LYPLAL1: variants seen among roughly 807,000 people sequenced by gnomAD.
LYPLAL1 encodes the protein lysophospholipase like 1.
LYPLAL1 carries 23 observed loss-of-function variants against 19.7 expected under a neutral mutation model. That is an observed-to-expected ratio of 1.17 (90% CI 0.84 to 1.65). The LOEUF (loss-of-function observed/expected upper bound fraction) is 1.65, where lower values mean the gene tolerates loss of function less well. Ranked by LOEUF, LYPLAL1 falls within the 40% of genes most tolerant of loss-of-function variation. The pLI, the probability that LYPLAL1 is intolerant of heterozygous loss-of-function variation, is 0.00. For synonymous variants in LYPLAL1, 119 were observed against 96.3 expected (o/e 1.24, Z -1.38); for missense variants, 355 against 279.4 (o/e 1.27, Z -1.93).
At chr1:219,217,379 GGT>G (rs371579948), downstream of LYPLAL1, among the ~76,000 whole-genome samples, 3 of 134,126 alleles carry the variant, frequency 2.2e-5, no homozygotes, top group Admixed American at 7.6e-5. Context: ...TGCCAGGTTT[GGT>G]GTGTGTGTGT....
chr1:219,346,445 G>T, the LYPLAL1 span, among the ~76,000 whole-genome samples: 1 of 148,318 alleles, frequency 6.7e-6, no homozygotes, highest in African/African-American at 2.5e-5. Flanking sequence ...TTTAAGACCA[G>T]GAGGGTCAAT....
the LYPLAL1 span, among the ~76,000 whole-genome samples, chr1:219,377,212 G>GCTAA: frequency 6.6e-6 from 1 of 152,176 alleles, no homozygotes; most frequent in African/African-American, 2.4e-5. Context: ...ACATTATTAT[G>GCTAA]CTAAGTAAAA....
chr1:219,196,680 G>T (rs1414290845), intron 3 of LYPLAL1, among the ~76,000 whole-genome samples: 8 of 152,072 alleles, frequency 5.3e-5, no homozygotes, highest in Non-Finnish European at 1.2e-4. Context: ...TAAAAAGTGT[G>T]TTCAAATAGG....
chr1:219,358,547 T>C, the LYPLAL1 span, among the ~76,000 whole-genome samples: 1 of 152,080 alleles, frequency 6.6e-6, no homozygotes, highest in South Asian at 2.1e-4. Context: ...TCAGGAAACT[T>C]ATAATCATGG....
chr1:219,187,757 C>G (rs761018137), intron 2 of LYPLAL1, among the ~76,000 whole-genome samples: 2 of 151,706 alleles, frequency 1.3e-5, no homozygotes, highest in African/African-American at 2.4e-5. Flanking sequence ...CCTCTTTACT[C>G]CATCACTTAG....
chr1:219,191,982 CT>C (rs1334506108), intron 2 of LYPLAL1, among the ~76,000 whole-genome samples: 1 of 151,210 alleles, frequency 6.6e-6, no homozygotes, highest in Non-Finnish European at 1.5e-5. Context: ...CTCTGAGAAA[CT>C]TTCCAAATAT....
At chr1:219,374,300 C>A in the LYPLAL1 span, among the ~76,000 whole-genome samples, 1 of 152,026 alleles carries the variant, frequency 6.6e-6, no homozygotes, top group Non-Finnish European at 1.5e-5. Flanking sequence ...TACAAACAAG[C>A]ATTATTAACC....
At chr1:219,321,084 A>G in the LYPLAL1 span, among the ~76,000 whole-genome samples, 2 of 152,128 alleles carry the variant, frequency 1.3e-5, no homozygotes, top group South Asian at 4.1e-4. Context: ...CTATTTCTCC[A>G]CATCCTCTCC....
the LYPLAL1 span, among the ~76,000 whole-genome samples, chr1:219,260,573 T>C: frequency 6.7e-6 from 1 of 150,350 alleles, no homozygotes; most frequent in Admixed American, 6.7e-5. Flanking sequence ...ATATTGAATA[T>C]TGATACAGAG....
At chr1:219,409,733 T>C in the LYPLAL1 span, 5 of 152,244 alleles carry the variant, frequency 3.3e-5, no homozygotes, top group Non-Finnish European at 5.9e-5. Flanking sequence ...TTGTCATTTG[T>C]TTCCAGCCAG....
At chr1:219,418,625 T>G in the LYPLAL1 span, among the ~76,000 whole-genome samples, 1 of 152,254 alleles carries the variant, frequency 6.6e-6, no homozygotes, top group Non-Finnish European at 1.5e-5. Context: ...TTACGACTGC[T>G]GAGCCTGCAT....
At chr1:219,329,330 C>A in the LYPLAL1 span, among the ~76,000 whole-genome samples, 1 of 152,154 alleles carries the variant, frequency 6.6e-6, no homozygotes, top group Admixed American at 6.5e-5. Flanking sequence ...CATACTGTAT[C>A]CTTAATAAAT....
chr1:219,285,152 T>C, the LYPLAL1 span, among the ~76,000 whole-genome samples: 10 of 152,244 alleles, frequency 6.6e-5, no homozygotes, highest in Non-Finnish European at 5.9e-5. Flanking sequence ...AGTCTTCAGT[T>C]GTAGGTTTTC....
chr1:219,306,841 TAGATAGATAGACAGAC>T, the LYPLAL1 span, among the ~76,000 whole-genome samples: 37 of 80,648 alleles, frequency 4.6e-4, no homozygotes, highest in South Asian at 2.2e-3. Flanking sequence ...GATAGATAGA[TAGATAGATAGACAGAC>T]AGACAGACAG....
At chr1:219,435,353 A>G in the LYPLAL1 span, 5 of 152,212 alleles carry the variant, frequency 3.3e-5, no homozygotes, top group Admixed American at 6.5e-5. Context: ...TTTCTACTTC[A>G]GTGGCTTTTT....
At chr1:219,202,992 A>G (rs1658244438) in intron 3 of LYPLAL1, among the ~76,000 whole-genome samples, 1 of 152,266 alleles carries the variant, frequency 6.6e-6, no homozygotes, top group East Asian at 1.9e-4. Context: ...GGCCCAGGCT[A>G]GGTTTCTTTT....
the LYPLAL1 span, among the ~76,000 whole-genome samples, chr1:219,238,287 G>T: frequency 7.1e-6 from 1 of 141,188 alleles, no homozygotes; most frequent in African/African-American, 2.7e-5. Flanking sequence ...ACAGGCACCC[G>T]CCACCGCGCC....
chr1:219,349,732 A>G, the LYPLAL1 span, among the ~76,000 whole-genome samples: 2 of 152,164 alleles, frequency 1.3e-5, no homozygotes, highest in African/African-American at 4.8e-5. Flanking sequence ...AACAGGACAC[A>G]GTCATGAAAC....
At chr1:219,308,517 G>C in the LYPLAL1 span, among the ~76,000 whole-genome samples, 48,904 of 151,992 alleles carry the variant, frequency 0.32, 8,313 homozygotes, top group East Asian at 0.6. Context: ...TAATGGTCTT[G>C]TTGGCAGGGC....
Sources: allele counts gnomAD v4.1 joint callset (sites outside exome capture counted in the v4.1 genomes callset), GRCh38; gene constraint gnomAD v4.1.1; transcripts MANE v1.5; gene names NCBI Gene and HGNC (gene_info 2026-07-23, HGNC 2026-07-21).